CACNA1D: variants seen among roughly 807,000 people sequenced by gnomAD.
The protein encoded by CACNA1D is calcium voltage-gated channel subunit alpha1 D.
In CACNA1D, 55 loss-of-function variants were observed where a neutral mutation model predicts 257.1. That is an observed-to-expected ratio of 0.21 (90% CI 0.17 to 0.27). The LOEUF (loss-of-function observed/expected upper bound fraction) is 0.27, where lower values mean the gene tolerates loss of function less well. CACNA1D is among the 10% of genes least tolerant of loss of function. The probability of loss-of-function intolerance (pLI) is 1.00; values close to 1 mark genes in which losing one functional copy is unlikely to be tolerated. For synonymous variants in CACNA1D, 980 were observed against 1,014.9 expected (o/e 0.97, Z 0.65); for missense variants, 1,876 against 2,784.0 (o/e 0.67, Z 7.34).
At chr3:53,711,075 T>G (rs2094749315) in intron 9 of CACNA1D, among the ~76,000 whole-genome samples, 1 of 152,072 alleles carries the variant, frequency 6.6e-6, no homozygotes, top group African/African-American at 2.4e-5. Flanking sequence ...TACCAAAAAT[T>G]GTAAACAAAG....
chr3:53,665,928 C>T, intron 6 of CACNA1D, 116 bp downstream of exon 6: 2 of 778,062 alleles, frequency 2.6e-6, no homozygotes, highest in South Asian at 1.6e-5. Flanking sequence ...GCCCAATATA[C>T]CAGCACATTT....
chr3:53,760,632 G>A (rs999143239), intron 29 of CACNA1D, among the ~76,000 whole-genome samples: 1 of 152,220 alleles, frequency 6.6e-6, no homozygotes, highest in Admixed American at 6.5e-5. Context: ...GGGGTGTCGA[G>A]AGACCACAGG....
chr3:53,654,639 A>C (rs2094131115), intron 4 of CACNA1D, among the ~76,000 whole-genome samples: 1 of 152,204 alleles, frequency 6.6e-6, no homozygotes, highest in South Asian at 2.1e-4. Flanking sequence ...TGGCAAATAA[A>C]GCTTCATTGT....
chr3:53,674,398 C>T (rs1420928554), intron 8 of CACNA1D, among the ~76,000 whole-genome samples: 2 of 152,096 alleles, frequency 1.3e-5, no homozygotes, highest in Non-Finnish European at 2.9e-5. Flanking sequence ...CAGTTTTAAC[C>T]GAAACTTACA....
At chr3:53,809,660 G>A (rs2095585821) in intron 46 of CACNA1D, 2 of 427,500 alleles carry the variant, frequency 4.7e-6, no homozygotes, top group South Asian at 2.3e-5. Context: ...ACTGGGTGGT[G>A]TGTTCACACC....
intron 3 of CACNA1D, among the ~76,000 whole-genome samples, chr3:53,630,692 T>C (rs2093812552): frequency 6.6e-6 from 1 of 152,116 alleles, no homozygotes; most frequent in African/African-American, 2.4e-5. Flanking sequence ...AAATGACAAG[T>C]TGGTTAAAAG....
At chr3:53,738,317 G>C (rs954300058) in intron 20 of CACNA1D, among the ~76,000 whole-genome samples, 1 of 152,176 alleles carries the variant, frequency 6.6e-6, no homozygotes, top group South Asian at 2.1e-4. Flanking sequence ...CCGATATGAA[G>C]AGAAAAAGTG....
intron 26 of CACNA1D, 41 bp downstream of exon 26, chr3:53,747,489 C>T (rs370148864): frequency 4.5e-4 from 716 of 1,605,746 alleles, no homozygotes; most frequent in Non-Finnish European, 5.7e-4. Flanking sequence ...GAGGCACCTG[C>T]GTGCCCAGGG....
intron 42 of CACNA1D, 118 bp from the exon 43 acceptor site, chr3:53,802,029 C>T (rs564203671): frequency 4.4e-5 from 39 of 888,568 alleles, no homozygotes; most frequent in South Asian, 1.3e-4. Context: ...ATGTGGATGG[C>T]GAATCATAAT....
At chr3:53,535,579 T>A (rs192678657) in intron 3 of CACNA1D, among the ~76,000 whole-genome samples, 100 of 152,326 alleles carry the variant, frequency 6.6e-4, no homozygotes, top group Middle Eastern at 3.4e-3. Flanking sequence ...ATCTTCTTAA[T>A]GTTTTCTGTG....
At chr3:53,621,218 G>A (rs1011274588) in intron 3 of CACNA1D, among the ~76,000 whole-genome samples, 1 of 152,164 alleles carries the variant, frequency 6.6e-6, no homozygotes, top group Admixed American at 6.5e-5. Context: ...AGCTCCCTCA[G>A]CTTCTCTCTC....
chr3:53,639,859 CTTT>C (rs34925431), intron 3 of CACNA1D, among the ~76,000 whole-genome samples: 30 of 102,066 alleles, frequency 2.9e-4, no homozygotes, highest in African/African-American at 7.0e-4. Context: ...TCATTTCTTA[CTTT>C]TTTTTTTTTT....
intron 3 of CACNA1D, among the ~76,000 whole-genome samples, chr3:53,519,566 A>C (rs2091472908): frequency 6.6e-6 from 1 of 152,216 alleles, no homozygotes. Flanking sequence ...GGAGGCAAAG[A>C]ATAACAGAAT....
intron 38 of CACNA1D, among the ~76,000 whole-genome samples, chr3:53,780,982 G>A (rs149899865): frequency 6.6e-6 from 1 of 152,210 alleles, no homozygotes; most frequent in Admixed American, 6.5e-5. Flanking sequence ...TAACTAACAG[G>A]GGCGCCTTGT....
intron 3 of CACNA1D, among the ~76,000 whole-genome samples, chr3:53,583,602 G>T (rs1392648376): frequency 6.6e-6 from 1 of 152,174 alleles, no homozygotes; most frequent in Non-Finnish European, 1.5e-5. Context: ...GACTCCTGTG[G>T]CTGCAGAACC....
chr3:53,738,745 G>A (rs959167900), intron 20 of CACNA1D, among the ~76,000 whole-genome samples: 1 of 151,960 alleles, frequency 6.6e-6, no homozygotes, highest in South Asian at 2.1e-4. Flanking sequence ...TTTAACCTTA[G>A]CCGAATTCTT....
intron 3 of CACNA1D, among the ~76,000 whole-genome samples, chr3:53,648,420 A>G (rs927241884): frequency 3.3e-5 from 5 of 152,164 alleles, no homozygotes; most frequent in African/African-American, 1.2e-4. Context: ...TTGAGCTTTC[A>G]GAGTTAATGT....
intron 3 of CACNA1D, among the ~76,000 whole-genome samples, chr3:53,533,133 GT>G (rs2092001761): frequency 2.0e-5 from 3 of 152,118 alleles, no homozygotes; most frequent in African/African-American, 7.2e-5. Context: ...TTCCCATCAT[GT>G]TTCCCCTTTT....
intron 3 of CACNA1D, among the ~76,000 whole-genome samples, chr3:53,527,680 A>T (rs1367208997): frequency 2.0e-5 from 3 of 152,218 alleles, no homozygotes; most frequent in Admixed American, 2.0e-4. Flanking sequence ...ATTTCTTCCT[A>T]TCCATGCCCC....
Sources: gnomAD v4.1 joint callset for allele counts (sites outside exome capture counted in the v4.1 genomes callset) on GRCh38, gnomAD v4.1.1 for gene constraint, MANE v1.5 for transcripts, NCBI Gene and HGNC (gene_info 2026-07-23, HGNC 2026-07-21) for gene names.